The following STK3 variants were observed in gnomAD, a reference collection of about 807,000 sequenced individuals.
STK3 encodes serine/threonine kinase 3.
A neutral mutation model predicts 58.0 loss-of-function variants in STK3; 41 were observed. That is an observed-to-expected ratio of 0.71 (90% CI 0.55 to 0.92). STK3 has a LOEUF of 0.92. Ranked by LOEUF, STK3 falls within the 40% of genes least tolerant of loss-of-function variation. The pLI is 0.00. For synonymous variants in STK3, 170 were observed against 191.0 expected (o/e 0.89, Z 0.91); for missense variants, 479 against 602.7 (o/e 0.79, Z 2.15).
chr8:98,598,350 G>A, intron 6 of STK3: 1 of 985,260 alleles, frequency 1.0e-6, no homozygotes, highest in Non-Finnish European at 1.2e-6. Flanking sequence ...CTCTCATAAA[G>A]TGAACCTAAA....
intron 4 of STK3, among the ~76,000 whole-genome samples, chr8:98,742,159 G>A (rs1202311474): frequency 2.0e-5 from 3 of 151,826 alleles, no homozygotes; most frequent in South Asian, 2.1e-4. Flanking sequence ...GGTACAAGGA[G>A]GAACTGGTAC....
rs1284216342 is a variant in STK3, at chr8:98,822,457, G to A, written c.26+3058C>T. 3.3e-5 allele frequency among the ~76,000 whole-genome samples: 5 copies of A among 152,016 alleles called. No individual in the cohort carries two copies. In the South Asian group the frequency reaches 6.2e-4, roughly 19 times the overall value. On this transcript the variant is annotated intron_variant, in intron 1 of 10. Coordinates refer to ENST00000419617, the MANE Select transcript of STK3 (RefSeq NM_006281.4). ...CCACAAAGTGCTGAGATTACAAGGC[G>A]TGCACCATCGCAGTAGGCCCTCATT... is the stretch of plus-strand genomic sequence containing the variant.
At chr8:98,536,051 G>A (rs905561321) in intron 9 of STK3, among the ~76,000 whole-genome samples, 2 of 152,090 alleles carry the variant, frequency 1.3e-5, no homozygotes, top group African/African-American at 2.4e-5. Flanking sequence ...AAATTACTAG[G>A]AAATTTCATT....
At chr8:98,585,914 T>C (rs1182925769) in intron 7 of STK3, among the ~76,000 whole-genome samples, 1 of 151,866 alleles carries the variant, frequency 6.6e-6, no homozygotes, top group Non-Finnish European at 1.5e-5. Context: ...TGTTGGTGTA[T>C]AAGAATGCTT....
chr8:98,541,513 A>G (rs1237409137), intron 9 of STK3, among the ~76,000 whole-genome samples: 1 of 152,120 alleles, frequency 6.6e-6, no homozygotes, highest in Non-Finnish European at 1.5e-5. Context: ...CCTTTTCTTT[A>G]TATATTACCC....
chr8:98,405,381 T>C (rs780015634), intron 3 of STK3, among the ~76,000 whole-genome samples: 4 of 152,224 alleles, frequency 2.6e-5, no homozygotes, highest in Non-Finnish European at 4.4e-5. Flanking sequence ...TTAGGATTTG[T>C]CTGGCATGTA....
chr8:98,385,731 G>T (rs60227376), intron 1 of STK3, among the ~76,000 whole-genome samples: 11,384 of 152,152 alleles, frequency 0.075, 1,026 homozygotes, highest in African/African-American at 0.18. Context: ...GAGATTAAAT[G>T]TGTGCCCCCC....
intron 6 of STK3, among the ~76,000 whole-genome samples, chr8:98,629,625 A>G (rs1371317000): frequency 1.3e-5 from 2 of 152,222 alleles, no homozygotes; most frequent in Non-Finnish European, 2.9e-5. Context: ...GGAAGGTCCT[A>G]CTGTAATTTT....
chr8:98,800,733 C>T lies in STK3; in HGVS notation c.26+24782G>A, dbSNP rs1047014054. 3.9e-5 allele frequency among the ~76,000 whole-genome samples: 6 copies of T among 152,206 alleles called. No homozygotes were observed. The highest frequency in any genetic ancestry group is 1.4e-4 in the African/African-American group (6 of 41,450). Reference sequence around the variant, plus strand: ...GGCAGTGAAGGGCTTAGCACCCGGGCCAGCAGCTGCGGAAGGGGCACCGGG... The same window carrying T: ...GGCAGTGAAGGGCTTAGCACCCGGGTCAGCAGCTGCGGAAGGGGCACCGGG... On this transcript the variant is annotated intron_variant, in intron 1 of 10. Transcript: ENST00000419617. The surrounding 1 kb of genome is among the most constrained non-coding windows in gnomAD (Gnocchi z 4.8).
chr8:98,590,476 C>T (rs1235235798), intron 7 of STK3, among the ~76,000 whole-genome samples: 5 of 152,200 alleles, frequency 3.3e-5, no homozygotes, highest in Non-Finnish European at 5.9e-5. Context: ...CTGGGAGTGG[C>T]GGATTTGAAA....
chr8:98,620,843 T>G (rs2130383136), intron 6 of STK3, among the ~76,000 whole-genome samples: 1 of 152,186 alleles, frequency 6.6e-6, no homozygotes, highest in East Asian at 1.9e-4. Flanking sequence ...ATATTTTTGT[T>G]TTTTAAGCAA....
At chr8:98,392,122 T>TA (rs1243829850), upstream of STK3, among the ~76,000 whole-genome samples, 8 of 152,280 alleles carry the variant, frequency 5.3e-5, no homozygotes, top group East Asian at 1.3e-3. Context: ...TCTGTTTTTT[T>TA]AAAAAAATAT....
chr8:98,893,401 AGAAAGAAGGAAG>A (rs1404620751), intron 1 of STK3, among the ~76,000 whole-genome samples: 25 of 111,956 alleles, frequency 2.2e-4, no homozygotes, highest in Admixed American at 3.3e-4. Context: ...AGAGAAAGAA[AGAAAGAAGGAAG>A]GAAGGAAGGA....
chr8:98,350,097 C>T, the STK3 span, among the ~76,000 whole-genome samples: 14 of 152,154 alleles, frequency 9.2e-5, no homozygotes, highest in African/African-American at 3.1e-4. Context: ...CTGTGCTTCT[C>T]TTATAAAACT....
In STK3 at chr8:98,942,215, C is replaced by T. The variant is rs139214672; in HGVS notation, c.-79+163G>A. Among the ~76,000 whole-genome samples the T allele has an allele frequency of 3.4e-3, 524 of 152,282 alleles. 5 individuals carry two copies. Among genetic ancestry groups the T allele is most frequent in the African/African-American group, 0.012 (501 of 41,570 alleles). On this transcript the variant is annotated intron_variant, in intron 1 of 1. Coordinates refer to the STK3 transcript ENST00000519420. ...CAGCCCCCAGTGGGCGCAGAGGTGG[C>T]CCAGGAGGGCCCGCGGACGGTGCTG... is the stretch of plus-strand genomic sequence containing the variant.
intron 9 of STK3, among the ~76,000 whole-genome samples, chr8:98,539,897 G>A (rs1810095486): frequency 1.3e-5 from 2 of 152,140 alleles, no homozygotes; most frequent in African/African-American, 4.8e-5. Context: ...GGGATTACAG[G>A]TGCATGCCAC....
Position 98,729,252 on chromosome 8 carries a change from G to A in STK3, c.351+20024C>T, listed in dbSNP as rs187611513. Among the ~76,000 whole-genome samples the A allele has an allele frequency of 1.1e-4, 17 of 152,202 alleles. No homozygotes were observed. The East Asian group carries it at 3.3e-3, about 29-fold the overall frequency. ...CAGTCTCCCGGCAGCTAGGATTACAGGCGCATGCCAACACACCAGGCCAAT... is the reference window on the plus strand; with the variant it reads ...CAGTCTCCCGGCAGCTAGGATTACAAGCGCATGCCAACACACCAGGCCAAT... On this transcript the variant is annotated intron_variant, in intron 4 of 10. Coordinates refer to ENST00000419617, the MANE Select transcript of STK3 (RefSeq NM_006281.4).
intron 9 of STK3, among the ~76,000 whole-genome samples, chr8:98,545,185 C>T (rs958559929): frequency 6.6e-6 from 1 of 152,170 alleles, no homozygotes; most frequent in African/African-American, 2.4e-5. Flanking sequence ...TGCTTTTACC[C>T]AGTGTCAAGC....
intron 6 of STK3, among the ~76,000 whole-genome samples, chr8:98,631,616 T>G (rs1819240552): frequency 6.6e-6 from 1 of 152,142 alleles, no homozygotes; most frequent in Non-Finnish European, 1.5e-5. Context: ...TTATCCTGCT[T>G]TTTCTTCATA....
Sources: allele counts gnomAD v4.1 joint callset (sites outside exome capture counted in the v4.1 genomes callset), GRCh38; gene constraint gnomAD v4.1.1; non-coding constraint Gnocchi (gnomAD v3.1); transcripts MANE v1.5; gene names NCBI Gene and HGNC (gene_info 2026-07-23, HGNC 2026-07-21).